The following CCDC85C variants were observed in gnomAD, a reference collection of about 807,000 sequenced individuals.
The protein encoded by CCDC85C is coiled-coil domain-containing protein 85C.
CCDC85C carries 18 observed loss-of-function variants against 38.3 expected under a neutral mutation model. The observed-to-expected ratio is 0.47, with a 90% CI of 0.33 to 0.70. The LOEUF is 0.70. Ranked by LOEUF, CCDC85C falls within the 30% of genes least tolerant of loss-of-function variation. The pLI is 0.03. For synonymous variants in CCDC85C, 264 were observed against 293.8 expected, an observed-to-expected ratio of 0.90 and a Z score of 1.04; for missense variants, 566 against 621.2, an observed-to-expected ratio of 0.91 and a Z score of 0.94.
At chr14:99,518,754 C>T (rs1390821643) in intron 3 of CCDC85C, among the ~76,000 whole-genome samples, 2 of 152,204 alleles carry the variant, frequency 1.3e-5, no homozygotes, top group African/African-American at 2.4e-5. Flanking sequence ...TTACAGCCCC[C>T]GGCTCTAGGG....
chr14:99,602,753 T>C (rs541994307), intron 1 of CCDC85C, among the ~76,000 whole-genome samples: 1 of 152,262 alleles, frequency 6.6e-6, no homozygotes, highest in African/African-American at 2.4e-5. Context: ...GGACACCTGT[T>C]GCTGCAAGAG....
At chr14:99,590,796 C>T (rs1356301050) in intron 1 of CCDC85C, among the ~76,000 whole-genome samples, 1 of 152,168 alleles carries the variant, frequency 6.6e-6, no homozygotes, top group Non-Finnish European at 1.5e-5. Context: ...GCTGTAATCA[C>T]ACTGATGCCA....
At chr14:99,536,247 C>A (rs1172387651) in intron 1 of CCDC85C, among the ~76,000 whole-genome samples, 159 bp from the exon 2 acceptor site, 3 of 152,204 alleles carry the variant, frequency 2.0e-5, no homozygotes, top group Non-Finnish European at 4.4e-5. Context: ...CCTCGCCCGC[C>A]CTGTGGAAAC....
At position 99,526,979 on chromosome 14, in the gene CCDC85C, C is replaced by T. The variant is rs908341062; in HGVS notation, c.868-4739G>A. 3.9e-5 allele frequency among the ~76,000 whole-genome samples: 6 copies of T among 152,142 alleles called. No individual in the cohort carries two copies. In the East Asian group the frequency reaches 7.7e-4, roughly 20 times the overall value. On this transcript the variant is annotated intron_variant, in intron 2 of 5. Coordinates refer to ENST00000380243, the MANE Select transcript of CCDC85C (RefSeq NM_001144995.2). ...AGCCCACCGAGATCCAGCTGTCATC[C>T]GTCTCGGAGATCCTCAGAGGGAGAG...
Position 99,548,825 on chromosome 14 carries a change from A to C in CCDC85C, c.794-12737T>G, listed in dbSNP as rs759549243. Among the ~76,000 whole-genome samples, 1 of 152,176 alleles carries C rather than the reference A, an allele frequency of 6.6e-6. No individual in the cohort carries two copies. The highest frequency in any genetic ancestry group is 2.4e-5 in the African/African-American group (1 of 41,448). The stretch of plus-strand genomic sequence containing the variant: ...AAGCAAAAAAACCCAAAACAAAAAC[A>C]AAACAAAAAGATGAACCAAATACAT... On this transcript the variant is annotated intron_variant, in intron 1 of 5. Coordinates refer to ENST00000380243, the MANE Select transcript of CCDC85C (RefSeq NM_001144995.2). This position sits in a 1 kb window ranked among gnomAD's most constrained non-coding sequence, Gnocchi z 4.9.
intron 1 of CCDC85C, among the ~76,000 whole-genome samples, chr14:99,578,577 C>T (rs2054929477): frequency 6.6e-6 from 1 of 152,192 alleles, no homozygotes; most frequent in Non-Finnish European, 1.5e-5. Context: ...TGTCCCCTGT[C>T]ACTGTGTGTG....
chr14:99,570,726 T>C (rs1898320875), intron 1 of CCDC85C, among the ~76,000 whole-genome samples: 1 of 152,096 alleles, frequency 6.6e-6, no homozygotes, highest in African/African-American at 2.4e-5. Context: ...TCCCGGCCCC[T>C]GAGCAGAACA....
chr14:99,575,138 C>A (rs955606549), intron 1 of CCDC85C, among the ~76,000 whole-genome samples: 2 of 152,232 alleles, frequency 1.3e-5, no homozygotes, highest in African/African-American at 2.4e-5. Flanking sequence ...GCTGGCCCTG[C>A]CCCCAGGATC....
chr14:99,503,094 TGTTCGCCGAAACTCGCA>T lies in CCDC85C; in HGVS notation c.*12135_*12151del, dbSNP rs1356113108. The T allele has an allele frequency of 7.8e-7, 1 of 1,276,892 alleles. No individual in the cohort carries two copies. The highest frequency in any genetic ancestry group is 1.1e-6 in the Non-Finnish European group (1 of 878,408). The allele number at this position is 1,276,892 out of a possible 1,614,324, so 79.1% of individuals were successfully genotyped here. On this transcript the variant is annotated 3_prime_UTR_variant, in exon 6 of 6. Transcript: ENST00000380243. The stretch of plus-strand genomic sequence containing the variant: ...CACAGGGAACACCGGAAGCAGGGGG[TGTTCGCCGAAACTCGCA>T]GTCCGACTGCTTGTCGGTGGGGAGC...
chr14:99,572,634 C>CTT lies in CCDC85C; in HGVS notation c.793+30531_793+30532dup, dbSNP rs1279384184. On this transcript the variant is annotated intron_variant, in intron 1 of 5. Coordinates refer to ENST00000380243, the MANE Select transcript of CCDC85C (RefSeq NM_001144995.2). This position sits in a 1 kb window ranked among gnomAD's most constrained non-coding sequence, Gnocchi z 4.4. Reference sequence around the variant, plus strand: ...GGAAACCTTCCAGGGACGACAGCTGCTTATCATCCAAGCCCCAGGTGACCT... The same window carrying CTT: ...GGAAACCTTCCAGGGACGACAGCTGCTTTTATCATCCAAGCCCCAGGTGACCT... 6 of 454,646 alleles carry CTT rather than the reference C, an allele frequency of 1.3e-5. No individual in the cohort carries two copies. Among genetic ancestry groups the CTT allele is most frequent in the South Asian group, 7.8e-5 (5 of 64,488 alleles). 28.2% of individuals were successfully genotyped at this position (454,646 alleles called of 1,614,324 possible).
Position 99,520,307 on chromosome 14 carries a change from A to G in CCDC85C, c.975+1826T>C, listed in dbSNP as rs1897284212. ...TCCAAGTGCCAGACATGGGCTCTCC[A>G]GGCCCCAGCAAGGGCCTCTGGCCCT... On this transcript the variant is annotated intron_variant, in intron 3 of 5. Coordinates refer to ENST00000380243, the MANE Select transcript of CCDC85C (RefSeq NM_001144995.2). This position sits in a 1 kb window ranked among gnomAD's most constrained non-coding sequence, Gnocchi z 4.1. Among the ~76,000 whole-genome samples the G allele has an allele frequency of 6.6e-6, 1 of 152,016 alleles. No homozygotes were observed. Among genetic ancestry groups the G allele is most frequent in the African/African-American group, 2.4e-5 (1 of 41,398 alleles).
chr14:99,510,634 C>T lies in CCDC85C; in HGVS notation c.*4612G>A. 2 of 1,415,194 alleles carry T rather than the reference C, an allele frequency of 1.4e-6. No individual in the cohort carries two copies. The highest frequency in any genetic ancestry group is 3.0e-5 in the South Asian group (2 of 66,648). The allele number at this position is 1,415,194 out of a possible 1,614,324, so 87.7% of individuals were successfully genotyped here. ...CTCCCGCCTACCCACGCAGTCCCCC[C>T]TCATCCTCCTCCAGGGTTGGGCCTG... On this transcript the variant is annotated 3_prime_UTR_variant, in exon 6 of 6. Coordinates refer to ENST00000380243, the MANE Select transcript of CCDC85C (RefSeq NM_001144995.2).
intron 2 of CCDC85C, among the ~76,000 whole-genome samples, chr14:99,523,133 G>A (rs1011802651): frequency 6.6e-6 from 1 of 152,210 alleles, no homozygotes; most frequent in African/African-American, 2.4e-5. Context: ...CCTGCGGAAT[G>A]TCCCATAAAT....
Position 99,511,244 on chromosome 14 carries a change from G to C in CCDC85C, c.*4002C>G, listed in dbSNP as rs2139889399. ...TCTCCCATGACACCCAGAAGGGGCAGAAGAACCACATTTTTCATTTATAGA... is the reference window on the plus strand; with the variant it reads ...TCTCCCATGACACCCAGAAGGGGCACAAGAACCACATTTTTCATTTATAGA... On this transcript the variant is annotated 3_prime_UTR_variant, in exon 6 of 6. Coordinates refer to ENST00000380243, the MANE Select transcript of CCDC85C (RefSeq NM_001144995.2). 6.5e-6 allele frequency: 1 copy of C among 152,836 alleles called. No individual in the cohort carries two copies. Among genetic ancestry groups the C allele is most frequent in the African/African-American group, 2.4e-5 (1 of 41,572 alleles). The allele number at this position is 152,836 out of a possible 1,614,324, so 9.5% of individuals were successfully genotyped here.
chr14:99,534,477 T>G (rs947575196), intron 2 of CCDC85C, among the ~76,000 whole-genome samples: 1 of 152,000 alleles, frequency 6.6e-6, no homozygotes, highest in Non-Finnish European at 1.5e-5. Context: ...GGCAGACGCG[T>G]GAGGTCACTG....
intron 1 of CCDC85C, among the ~76,000 whole-genome samples, chr14:99,543,393 G>A (rs1004071583): frequency 6.6e-6 from 1 of 152,200 alleles, no homozygotes; most frequent in African/African-American, 2.4e-5. Context: ...ATTGGTCAAA[G>A]GCACATCCCT....
chr14:99,589,880 A>G (rs558268879), intron 1 of CCDC85C, among the ~76,000 whole-genome samples: 1 of 152,336 alleles, frequency 6.6e-6, no homozygotes, highest in East Asian at 1.9e-4. Context: ...CGAGAGCCCA[A>G]GTGACCCCCT....
At chr14:99,578,176 AGTGT>A (rs768625861) in intron 1 of CCDC85C, among the ~76,000 whole-genome samples, 5 of 68,080 alleles carry the variant, frequency 7.3e-5, no homozygotes, top group African/African-American at 3.6e-4. Flanking sequence ...ATCCCCCATC[AGTGT>A]GTGTGTGTGT....
At chr14:99,532,782 C>CTTTTTTT (rs34038396) in intron 2 of CCDC85C, among the ~76,000 whole-genome samples, 1 of 124,410 alleles carries the variant, frequency 8.0e-6, no homozygotes, top group Non-Finnish European at 1.6e-5. Context: ...TCTTCTTCTT[C>CTTTTTTT]TTTTTTTTTT....
Sources: gnomAD v4.1 joint callset for allele counts (sites outside exome capture counted in the v4.1 genomes callset) on GRCh38, gnomAD v4.1.1 for gene constraint, Gnocchi (gnomAD v3.1) non-coding constraint, MANE v1.5 for transcripts, NCBI Gene and HGNC (gene_info 2026-07-23, HGNC 2026-07-21) for gene names.